Variants in PTPRG observed in about 807,000 individuals in gnomAD.
PTPRG encodes receptor-type tyrosine-protein phosphatase gamma.
In PTPRG, 102 loss-of-function variants were observed where a neutral mutation model predicts 165.3. The observed-to-expected ratio is 0.62, with a 90% confidence interval of 0.53 to 0.73. PTPRG has a LOEUF of 0.73. Among genes scored for constraint, PTPRG ranks in the 30% least tolerant of loss-of-function variants. The probability of loss-of-function intolerance (pLI) is 0.00; values close to 1 mark genes in which losing one functional copy is unlikely to be tolerated. For synonymous variants in PTPRG, 675 were observed against 669.5 expected (o/e 1.01, Z -0.13); for missense variants, 1,866 against 1,861.4 (o/e 1.00, Z -0.05).
At chr3:61,990,985 G>A (rs983035287) in intron 3 of PTPRG, among the ~76,000 whole-genome samples, 6 of 149,386 alleles carry the variant, frequency 4.0e-5, no homozygotes, top group African/African-American at 1.5e-4. Flanking sequence ...ACCATCATTT[G>A]AGATTATTCA....
rs377029823 is a variant in PTPRG, at chr3:61,948,000, C to T, written c.191-41625C>T. ...GAGAAGAATTGGTGCTGGCCAGGCA[C>T]GGAAAACACGTATCCCATAGGAAAT... is the stretch of plus-strand genomic sequence containing the variant. On this transcript the variant is annotated intron_variant, in intron 2 of 29. Coordinates refer to ENST00000474889, the MANE Select transcript of PTPRG (RefSeq NM_002841.4). 1.9e-4 allele frequency among the ~76,000 whole-genome samples: 29 copies of T among 151,948 alleles called. 1 individual carries two copies. Among genetic ancestry groups the T allele is most frequent in the East Asian group, 1.2e-3 (6 of 5,164 alleles).
chr3:61,563,516 C>G (rs1172070908), intron 1 of PTPRG, among the ~76,000 whole-genome samples: 1 of 152,116 alleles, frequency 6.6e-6, no homozygotes. Context: ...GAGGCCAAGT[C>G]CTGCCCTAGC....
rs1356298723 is a variant in PTPRG at position 61,820,610 on chromosome 3, T to G, written c.190+71628T>G. Among the ~76,000 whole-genome samples the G allele has an allele frequency of 5.5e-5, 8 of 146,234 alleles. No individual in the cohort carries two copies. In the South Asian group the frequency reaches 1.3e-3, roughly 25 times the overall value. The stretch of plus-strand genomic sequence containing the variant: ...TCTTGTTCCTGTGTCTCTGTTTTTT[T>G]TTTTTTTTTTTTTTTTTTTACTGTG... On this transcript the variant is annotated intron_variant, in intron 2 of 29. Transcript: ENST00000474889.
At chr3:61,929,748 G>A (rs1258795672) in intron 2 of PTPRG, among the ~76,000 whole-genome samples, 2 of 152,218 alleles carry the variant, frequency 1.3e-5, no homozygotes, top group African/African-American at 4.8e-5. Context: ...ATGGGCTGCA[G>A]TGATTCAGGA....
At chr3:61,923,459 A>C (rs371100315) in intron 2 of PTPRG, among the ~76,000 whole-genome samples, 2 of 151,888 alleles carry the variant, frequency 1.3e-5, no homozygotes, top group Admixed American at 6.6e-5. Flanking sequence ...CACAACGAGC[A>C]GGTTTGTTAC....
At chr3:62,158,591 G>A (rs1704627733) in intron 7 of PTPRG, among the ~76,000 whole-genome samples, 1 of 152,152 alleles carries the variant, frequency 6.6e-6, no homozygotes, top group Non-Finnish European at 1.5e-5. Context: ...AGGTGAATGA[G>A]CCATCAGAGG....
At chr3:61,642,593 C>T (rs778195761) in intron 1 of PTPRG, among the ~76,000 whole-genome samples, 6 of 152,136 alleles carry the variant, frequency 3.9e-5, no homozygotes, top group Non-Finnish European at 8.8e-5. Flanking sequence ...CCTTACTGCC[C>T]TTTGTAGTGA....
chr3:61,607,377 C>T (rs1297786237), intron 1 of PTPRG, among the ~76,000 whole-genome samples: 3 of 152,074 alleles, frequency 2.0e-5, no homozygotes, highest in Admixed American at 6.6e-5. Flanking sequence ...ATTCAGAAAT[C>T]GGATCAAACT....
At chr3:62,068,683 A>G (rs1157116929) in intron 4 of PTPRG, among the ~76,000 whole-genome samples, 2 of 151,952 alleles carry the variant, frequency 1.3e-5, no homozygotes, top group Non-Finnish European at 2.9e-5. Flanking sequence ...TTTTTGAGAT[A>G]AGGTCTCCCT....
intron 8 of PTPRG, among the ~76,000 whole-genome samples, chr3:62,186,835 A>C (rs899101563): frequency 2.0e-5 from 3 of 151,946 alleles, no homozygotes; most frequent in African/African-American, 7.2e-5. Context: ...CCAAAGTGTT[A>C]GGATTACAGG....
intron 1 of PTPRG, among the ~76,000 whole-genome samples, chr3:61,711,892 T>C (rs1003474218): frequency 7.1e-6 from 1 of 140,664 alleles, no homozygotes. Flanking sequence ...GTTATTATAG[T>C]CTTTTTTTTT....
At chr3:62,077,689 T>A (rs1015252492) in intron 4 of PTPRG, among the ~76,000 whole-genome samples, 2 of 152,100 alleles carry the variant, frequency 1.3e-5, no homozygotes, top group Admixed American at 1.3e-4. Context: ...AATGACATGA[T>A]GTCTGGGTTT....
chr3:61,622,899 A>C (rs958847241), intron 1 of PTPRG, among the ~76,000 whole-genome samples: 1 of 152,198 alleles, frequency 6.6e-6, no homozygotes. Flanking sequence ...TTGCACCCTA[A>C]GTACAAAAAA....
At chr3:62,272,914 A>AC in intron 21 of PTPRG, 32 bp from the exon 22 acceptor site, 1 of 1,543,764 alleles carries the variant, frequency 6.5e-7, no homozygotes, top group Admixed American at 2.1e-5. Flanking sequence ...GATAAAACAA[A>AC]AGTGCCAGTT....
chr3:62,169,564 C>G (rs949601515), intron 8 of PTPRG, among the ~76,000 whole-genome samples: 2 of 152,070 alleles, frequency 1.3e-5, no homozygotes, highest in African/African-American at 2.4e-5. Flanking sequence ...CTCTCAGGCT[C>G]TGGGATTTAT....
intron 4 of PTPRG, among the ~76,000 whole-genome samples, chr3:62,071,738 A>G (rs1300266631): frequency 3.9e-5 from 6 of 152,182 alleles, no homozygotes; most frequent in East Asian, 1.9e-4. Context: ...CAATTTTGAA[A>G]TATAATTTTT....
intron 2 of PTPRG, among the ~76,000 whole-genome samples, chr3:61,849,848 T>C (rs969829263): frequency 7.2e-5 from 11 of 152,162 alleles, no homozygotes; most frequent in African/African-American, 2.2e-4. Flanking sequence ...CTCCTTTTAT[T>C]TTAGGTCTGT....
chr3:62,053,033 A>G (rs1240470862), intron 4 of PTPRG, among the ~76,000 whole-genome samples: 1 of 152,136 alleles, frequency 6.6e-6, no homozygotes, highest in Admixed American at 6.5e-5. Context: ...AGTCTCTTGA[A>G]TCCATTCGCT....
chr3:62,265,894 T>TACACACACACACACACACACACACAC lies in PTPRG; in HGVS notation c.2657-1515_2657-1514insCACACACACACACACACACACACACA, dbSNP rs1250968284. The stretch of plus-strand genomic sequence containing the variant: ...CACACACGTATACATCTGTGCCTTA[T>TACACACACACACACACACACACACAC]ATACACACACACACACACACACACA... On this transcript the variant is annotated intron_variant, in intron 17 of 29. Coordinates refer to ENST00000474889, the MANE Select transcript of PTPRG (RefSeq NM_002841.4). Among the ~76,000 whole-genome samples the TACACACACACACACACACACACACAC allele has an allele frequency of 2.8e-3, 74 of 26,500 alleles. 1 individual carries two copies. Among genetic ancestry groups the TACACACACACACACACACACACACAC allele is most frequent in the South Asian group, 0.012 (6 of 486 alleles). 17.4% of individuals were successfully genotyped at this position (26,500 alleles called of 152,430 possible). A position where few individuals can be genotyped will look rare whatever the true frequency, so the allele number is the denominator to read the frequency against.
Sources: allele counts gnomAD v4.1 joint callset (sites outside exome capture counted in the v4.1 genomes callset), GRCh38; gene constraint gnomAD v4.1.1; transcripts MANE v1.5; gene names NCBI Gene and HGNC (gene_info 2026-07-23, HGNC 2026-07-21).